Variants in BNIP2 observed in about 807,000 individuals in gnomAD.
BNIP2 encodes BCL2 interacting protein 2.
BNIP2 carries 36 observed loss-of-function variants against 43.4 expected under a neutral mutation model. The ratio of observed to expected loss-of-function variants is 0.83; its 90% confidence interval spans 0.64 to 1.10. The LOEUF is 1.10. Among genes scored for constraint, BNIP2 ranks in the 50% least tolerant of loss-of-function variants. The probability of loss-of-function intolerance (pLI) is 0.00; values close to 1 mark genes in which losing one functional copy is unlikely to be tolerated. For synonymous variants in BNIP2, 146 were observed against 121.0 expected, an observed-to-expected ratio of 1.21 and a Z score of -1.35; for missense variants, 417 against 374.1, an observed-to-expected ratio of 1.11 and a Z score of -0.95.
intron 6 of BNIP2, among the ~76,000 whole-genome samples, chr15:59,671,635 G>T (rs1169003048): frequency 3.3e-5 from 5 of 151,324 alleles, no homozygotes; most frequent in Middle Eastern, 3.4e-3. Context: ...TTACCCCTGT[G>T]TATGTCTGAA....
chr15:59,679,652 C>T lies in BNIP2; in HGVS notation c.235G>A (p.Glu79Lys), dbSNP rs755376190. The part of the protein sequence containing the change: ...VLSDDLDESG[E>K]IDLDGLDTPS... The stretch of plus-strand genomic sequence containing the variant: ...GTGTCTAAGCCATCTAAGTCAATCT[C>T]CCCACTTTCATCCAAATCATCTGAC... Residue 79 changes from glutamate (E) to lysine (K), a missense_variant, in exon 4 of 10, where the codon GAG (glutamate) becomes AAG (lysine). Physicochemically the swap from Glu to Lys is moderately conservative, Grantham distance 56. Transcript: ENST00000607373. The T allele has an allele frequency of 4.3e-6, 7 of 1,613,088 alleles. No homozygotes were observed. Among genetic ancestry groups the T allele is most frequent in the Non-Finnish European group, 5.1e-6 (6 of 1,179,550 alleles).
chr15:59,682,185 G>A (rs1002974656), intron 2 of BNIP2, among the ~76,000 whole-genome samples: 6 of 152,086 alleles, frequency 3.9e-5, no homozygotes, highest in Admixed American at 2.0e-4. Context: ...AAATTAGCCA[G>A]GCGTGGTGGC....
intron 2 of BNIP2, among the ~76,000 whole-genome samples, chr15:59,680,639 G>T (rs990676477): frequency 6.6e-6 from 1 of 152,182 alleles, no homozygotes; most frequent in Admixed American, 6.5e-5. Context: ...GGGCTCAAAC[G>T]ATTCTCGTGC....
intron 9 of BNIP2, among the ~76,000 whole-genome samples, chr15:59,666,443 G>T (rs1023950002): frequency 1.3e-5 from 2 of 152,098 alleles, no homozygotes; most frequent in Admixed American, 6.6e-5. Context: ...GAGGTGGGTG[G>T]ATCACTTGAG....
At chr15:59,682,156 G>A (rs892793812) in intron 2 of BNIP2, among the ~76,000 whole-genome samples, 3 of 151,988 alleles carry the variant, frequency 2.0e-5, no homozygotes, top group African/African-American at 7.2e-5. Flanking sequence ...GTGAAACACC[G>A]TCTCTATTAA....
chr15:59,687,167 C>T, intron 1 of BNIP2, among the ~76,000 whole-genome samples: 1 of 152,318 alleles, frequency 6.6e-6, no homozygotes, highest in East Asian at 1.9e-4. Flanking sequence ...GCGGAACACA[C>T]TTGAAAATGC....
chr15:59,668,942 T>C lies in BNIP2; in HGVS notation c.843A>G (p.Leu281=). 1 of 1,613,788 alleles carries C rather than the reference T, an allele frequency of 6.2e-7. No homozygotes were observed. Among genetic ancestry groups the C allele is most frequent in the Non-Finnish European group, 8.5e-7 (1 of 1,179,772 alleles). ...CGTATTCCATGGGGACAAGTTCTGC[T>C]AGTTCTGCCAAATTAAACACGTATC... ...KIRYVFNLAE[L]AELVPMEYVG... Residue 281 remains leucine, a synonymous_variant, in exon 9 of 10, where the codon CTA becomes CTG. Coordinates refer to ENST00000607373, the MANE Select transcript of BNIP2 (RefSeq NM_004330.4).
intron 9 of BNIP2, among the ~76,000 whole-genome samples, chr15:59,667,317 G>A (rs925303717): frequency 1.3e-5 from 2 of 152,148 alleles, no homozygotes; most frequent in African/African-American, 2.4e-5. Flanking sequence ...ATCTCTCACC[G>A]TAACTCTTAA....
chr15:59,666,192 G>C (rs1892557109), intron 9 of BNIP2, among the ~76,000 whole-genome samples: 1 of 151,986 alleles, frequency 6.6e-6, no homozygotes, highest in South Asian at 2.1e-4. Flanking sequence ...TCTCCCTGTT[G>C]TCAACATTTC....
At chr15:59,680,825 G>C (rs1462819246) in intron 2 of BNIP2, among the ~76,000 whole-genome samples, 2 of 152,308 alleles carry the variant, frequency 1.3e-5, no homozygotes, top group Non-Finnish European at 2.9e-5. Flanking sequence ...TGCCCAGGCT[G>C]GTCTCAAGCA....
chr15:59,670,283 T>C (rs1892818105), intron 7 of BNIP2, among the ~76,000 whole-genome samples: 2 of 152,130 alleles, frequency 1.3e-5, no homozygotes, highest in South Asian at 4.1e-4. Context: ...ATACAAAAAT[T>C]AGCTGGGTGT....
intron 9 of BNIP2, among the ~76,000 whole-genome samples, chr15:59,666,691 T>C (rs1377890778): frequency 6.6e-6 from 1 of 152,172 alleles, no homozygotes; most frequent in East Asian, 1.9e-4. Context: ...CCTCTCTACC[T>C]AAATTTAATT....
In BNIP2 at chr15:59,689,141, G is replaced by A. The variant is rs2142029459; in HGVS notation, c.-64C>T. 6.5e-7 allele frequency: 1 copy of A among 1,536,962 alleles called. No homozygotes were observed. The highest frequency in any genetic ancestry group is 8.7e-7 in the Non-Finnish European group (1 of 1,146,336). On this transcript the variant is annotated 5_prime_UTR_variant, in exon 1 of 10. Transcript: ENST00000607373. ...TCTCCCAGGCCGCACTCACCCCGGAGGAAGCCTTGGCCCCCTCGTCCTCTT... is the reference window on the plus strand; with the variant it reads ...TCTCCCAGGCCGCACTCACCCCGGAAGAAGCCTTGGCCCCCTCGTCCTCTT...
intron 3 of BNIP2, 82 bp from the exon 4 acceptor site, chr15:59,679,850 C>T (rs1893546496): frequency 8.4e-7 from 1 of 1,189,290 alleles, no homozygotes; most frequent in Non-Finnish European, 1.1e-6. Flanking sequence ...TTTAACTACC[C>T]CATTCTTGGG....
intron 9 of BNIP2, 53 bp from the exon 10 acceptor site, chr15:59,664,173 T>G: frequency 4.0e-6 from 5 of 1,238,750 alleles, no homozygotes; most frequent in Non-Finnish European, 5.6e-6. Context: ...ACAATTTTCT[T>G]TCTAAAAATA....
chr15:59,671,339 G>C, intron 6 of BNIP2, 25 bp from the exon 7 acceptor site: 1 of 1,561,906 alleles, frequency 6.4e-7, no homozygotes, highest in Non-Finnish European at 8.7e-7. Flanking sequence ...TTAAGTTTAA[G>C]CCTTAAAAAT....
chr15:59,689,253 G>T lies in BNIP2; in HGVS notation c.-176C>A. The T allele has an allele frequency of 6.5e-7, 1 of 1,543,884 alleles. No homozygotes were observed. The highest frequency in any genetic ancestry group is 8.7e-7 in the Non-Finnish European group (1 of 1,146,272). Reference sequence around the variant, plus strand: ...AGCCCGCTCCCCTCGGTCGGCGGTGGAGACCCCGGCCCAATCCCCCGGCCG... The same window carrying T: ...AGCCCGCTCCCCTCGGTCGGCGGTGTAGACCCCGGCCCAATCCCCCGGCCG... On this transcript the variant is annotated 5_prime_UTR_variant, in exon 1 of 10. Coordinates refer to ENST00000607373, the MANE Select transcript of BNIP2 (RefSeq NM_004330.4).
At chr15:59,678,629 A>G in intron 4 of BNIP2, 1 of 1,153,326 alleles carries the variant, frequency 8.7e-7, no homozygotes, top group Admixed American at 4.2e-5. Flanking sequence ...GTCTATTTAA[A>G]TTAGCATTAG....
chr15:59,670,426 G>C (rs571293215), intron 7 of BNIP2, among the ~76,000 whole-genome samples: 6 of 152,088 alleles, frequency 3.9e-5, no homozygotes, highest in Non-Finnish European at 7.4e-5. Context: ...GTGAGACCCT[G>C]TCTCAAAACA....
Sources: gnomAD v4.1 joint callset for allele counts (sites outside exome capture counted in the v4.1 genomes callset) on GRCh38, gnomAD v4.1.1 for gene constraint, MANE v1.5 for transcripts, NCBI Gene and HGNC (gene_info 2026-07-23, HGNC 2026-07-21) for gene names.